DPP6: variants seen among roughly 807,000 people sequenced by gnomAD.
The protein encoded by DPP6 is A-type potassium channel modulatory protein DPP6.
DPP6 carries 69 observed loss-of-function variants against 122.6 expected under a neutral mutation model. The observed-to-expected ratio is 0.56, with a 90% CI of 0.46 to 0.69. The LOEUF (loss-of-function observed/expected upper bound fraction) is 0.69. Among genes scored for constraint, DPP6 ranks in the 30% least tolerant of loss-of-function variants. The pLI is 0.00. For synonymous variants in DPP6, 418 were observed against 433.1 expected (o/e 0.97, Z 0.43); for missense variants, 928 against 1,116.9 (o/e 0.83, Z 2.41).
intron 1 of DPP6, among the ~76,000 whole-genome samples, chr7:153,947,393 T>G (rs1278701371): frequency 6.6e-6 from 1 of 152,172 alleles, no homozygotes; most frequent in Non-Finnish European, 1.5e-5. Flanking sequence ...TGGCTGTCTT[T>G]GTGTTCACCC....
chr7:153,837,752 A>G, the DPP6 span, among the ~76,000 whole-genome samples: 1 of 151,026 alleles, frequency 6.6e-6, no homozygotes, highest in Admixed American at 6.6e-5. Context: ...CAGTGGCAAG[A>G]TCTGCAACCT....
intron 1 of DPP6, among the ~76,000 whole-genome samples, chr7:154,246,558 T>C (rs565467974): frequency 6.6e-6 from 1 of 152,244 alleles, no homozygotes; most frequent in Admixed American, 6.5e-5. Context: ...GCATAGGAAT[T>C]AAGTGATCCT....
At chr7:154,268,768 G>C (rs73489402) in intron 1 of DPP6, among the ~76,000 whole-genome samples, 21,871 of 151,928 alleles carry the variant, frequency 0.14, 2,102 homozygotes, top group African/African-American at 0.27. Context: ...ACAAAATGCT[G>C]CTGTCCTTTA....
At position 154,699,584 on chromosome 7, in the gene DPP6, G is replaced by T. The variant is rs111273903; in HGVS notation, c.763-28183G>T. The stretch of plus-strand genomic sequence containing the variant: ...GGCAGCAGCTGAGCCCAGTGCAGGG[G>T]CTCTGAGTCACCTGGGGAACTTGCC... On this transcript the variant is annotated intron_variant, in intron 7 of 25. Coordinates refer to ENST00000377770, the MANE Select transcript of DPP6 (RefSeq NM_130797.4). Among the ~76,000 whole-genome samples, 366 of 152,334 alleles carry T rather than the reference G, an allele frequency of 2.4e-3. 2 individuals are homozygous for T. Among genetic ancestry groups the T allele is most frequent in the Middle Eastern group, 0.01 (3 of 294 alleles).
At chr7:154,468,292 T>G (rs1490870318) in intron 2 of DPP6, among the ~76,000 whole-genome samples, 1 of 152,242 alleles carries the variant, frequency 6.6e-6, no homozygotes, top group Non-Finnish European at 1.5e-5. Flanking sequence ...GATTTTTGGT[T>G]GCGAAGAGCT....
chr7:153,807,666 C>T, the DPP6 span, among the ~76,000 whole-genome samples: 2 of 151,824 alleles, frequency 1.3e-5, no homozygotes, highest in South Asian at 2.1e-4. Flanking sequence ...ATGAATTATT[C>T]CTTAAATGCC....
chr7:154,230,063 T>C (rs959575913), intron 1 of DPP6, among the ~76,000 whole-genome samples: 1 of 152,140 alleles, frequency 6.6e-6, no homozygotes, highest in Non-Finnish European at 1.5e-5. Context: ...AAGTTAGAGT[T>C]TGCAAGATCT....
chr7:154,226,728 C>A (rs1330347948), intron 1 of DPP6, among the ~76,000 whole-genome samples: 1 of 152,116 alleles, frequency 6.6e-6, no homozygotes, highest in African/African-American at 2.4e-5. Context: ...AGTGTCAAGG[C>A]AAATGTGGCC....
In DPP6 at chr7:153,968,046, G is replaced by T. The variant is rs942479166; in HGVS notation, c.51+80312G>T. ...ATATGCATACACGTATCTTTTGGTAGAATTATTTATTTTCCTTTGGATATA... is the reference window on the plus strand; with the variant it reads ...ATATGCATACACGTATCTTTTGGTATAATTATTTATTTTCCTTTGGATATA... On this transcript the variant is annotated intron_variant, in intron 1 of 25. Coordinates refer to the DPP6 transcript ENST00000404039. Among the ~76,000 whole-genome samples, 5 of 150,280 alleles carry T rather than the reference G, an allele frequency of 3.3e-5. 1 individual carries two copies. The highest frequency in any genetic ancestry group is 1.3e-4 in the African/African-American group (5 of 39,618).
intron 19 of DPP6, 65 bp downstream of exon 19, chr7:154,872,758 A>G (rs979166960): frequency 1.9e-6 from 3 of 1,554,380 alleles, no homozygotes; most frequent in Non-Finnish European, 2.6e-6. Flanking sequence ...CCCATGATAA[A>G]GGAATATTGA....
At chr7:154,857,180 A>G (rs116233539) in intron 17 of DPP6, among the ~76,000 whole-genome samples, 1,842 of 152,234 alleles carry the variant, frequency 0.012, 37 homozygotes, top group African/African-American at 0.042. Context: ...ACTTGGAAAA[A>G]AAAATGATTA....
At chr7:153,763,719 T>G in the DPP6 span, among the ~76,000 whole-genome samples, 2 of 152,326 alleles carry the variant, frequency 1.3e-5, no homozygotes, top group East Asian at 3.9e-4. Context: ...TTGCGTAGTT[T>G]ACGTAACATT....
At position 154,052,671 on chromosome 7, in the gene DPP6, C is replaced by G; in HGVS notation, c.-150C>G. 5.0e-6 allele frequency: 6 copies of G among 1,211,978 alleles called. No homozygotes were observed. The highest frequency in any genetic ancestry group is 6.2e-6 in the Non-Finnish European group (6 of 963,460). 75.1% of individuals were successfully genotyped at this position (1,211,978 alleles called of 1,614,324 possible). A position where few individuals can be genotyped will look rare whatever the true frequency, so the allele number is the denominator to read the frequency against. ...AGTGGCGCGCGGGAGGAGCGGCCGC[C>G]GGCGCTGGGCTTGCCTTGCTGCTGC... is the stretch of plus-strand genomic sequence containing the variant. On this transcript the variant is annotated 5_prime_UTR_variant, in exon 1 of 26. Transcript: ENST00000377770. The surrounding 1 kb of genome is among the most constrained non-coding windows in gnomAD (Gnocchi z 4.8).
rs538096007 is a variant in DPP6 at position 154,804,623 on chromosome 7, A to G, written c.1500-294A>G. On this transcript the variant is annotated intron_variant, in intron 14 of 25. Coordinates refer to ENST00000377770, the MANE Select transcript of DPP6 (RefSeq NM_130797.4). ...GAGTGATCTTGTAAAAGATTTCCACATCCACATTCAGGTGTGTGTCACCCC... is the reference window on the plus strand; with the variant it reads ...GAGTGATCTTGTAAAAGATTTCCACGTCCACATTCAGGTGTGTGTCACCCC... 3.9e-5 allele frequency among the ~76,000 whole-genome samples: 6 copies of G among 152,326 alleles called. No individual in the cohort carries two copies. The East Asian group carries it at 7.7e-4, about 20-fold the overall frequency.
At chr7:154,810,437 T>C (rs1448529184) in intron 16 of DPP6, among the ~76,000 whole-genome samples, 1 of 151,786 alleles carries the variant, frequency 6.6e-6, no homozygotes, top group Non-Finnish European at 1.5e-5. Flanking sequence ...TTGGACAGAG[T>C]GTTAAAGTTT....
At chr7:153,827,848 C>T in the DPP6 span, among the ~76,000 whole-genome samples, 1 of 152,174 alleles carries the variant, frequency 6.6e-6, no homozygotes, top group South Asian at 2.1e-4. Context: ...AATGCAGACC[C>T]TGTAGACAGC....
chr7:154,717,873 T>C (rs1390703006), intron 7 of DPP6, among the ~76,000 whole-genome samples: 1 of 152,200 alleles, frequency 6.6e-6, no homozygotes, highest in East Asian at 1.9e-4. Flanking sequence ...ACCAACAGTG[T>C]ATAAAAGGCC....
intron 1 of DPP6, among the ~76,000 whole-genome samples, chr7:153,946,937 C>G (rs979912972): frequency 1.3e-5 from 2 of 152,166 alleles, no homozygotes; most frequent in East Asian, 3.9e-4. Context: ...AATTTCCAAG[C>G]TGAAGAGGAG....
chr7:154,355,034 T>G (rs1811163088), intron 1 of DPP6, among the ~76,000 whole-genome samples: 1 of 152,176 alleles, frequency 6.6e-6, no homozygotes, highest in Non-Finnish European at 1.5e-5. Context: ...TGAGGCTGTT[T>G]TGGTGGTGGT....
Sources: gnomAD v4.1 joint callset for allele counts (sites outside exome capture counted in the v4.1 genomes callset) on GRCh38, gnomAD v4.1.1 for gene constraint, Gnocchi (gnomAD v3.1) non-coding constraint, MANE v1.5 for transcripts, NCBI Gene and HGNC (gene_info 2026-07-23, HGNC 2026-07-21) for gene names.